ZFAND4: variants seen among roughly 807,000 people sequenced by gnomAD.
ZFAND4 encodes zinc finger AN1-type containing 4.
In ZFAND4, 43 loss-of-function variants were observed where a neutral mutation model predicts 64.4. The observed-to-expected ratio is 0.67, with a 90% CI of 0.52 to 0.86. The LOEUF is 0.86. ZFAND4 is among the 40% of genes least tolerant of loss of function. The pLI is 0.00. For missense variants in ZFAND4, 929 were observed against 859.8 expected (o/e 1.08, Z -1.01); for synonymous variants, 296 against 305.7 (o/e 0.97, Z 0.33).
intron 6 of ZFAND4, among the ~76,000 whole-genome samples, chr10:45,638,470 ACT>A (rs1318429334): frequency 1.3e-5 from 2 of 151,696 alleles, no homozygotes; most frequent in African/African-American, 2.4e-5. Flanking sequence ...ACAGAGCAAG[ACT>A]CTGTCTCAAA....
rs754540418 is a variant in ZFAND4, at chr10:45,618,155, C to T, written c.2033G>A (p.Ser678Asn). The T allele has an allele frequency of 6.2e-7, 1 of 1,612,272 alleles. No individual in the cohort carries two copies. The highest frequency in any genetic ancestry group is 1.1e-5 in the South Asian group (1 of 90,576). The change falls in exon 9 of 10, where the codon AGT becomes AAT. Residue 678 changes from serine to asparagine, a missense_variant. Physicochemically the swap from Ser to Asn is conservative, Grantham distance 46. Transcript: ENST00000344646. Reference sequence around the variant, plus strand: ...GCCAACCTGCCTGCATTCGTAGCTACTAGCCAGTCCTGTTTTCTTTCCACA... The same window carrying T: ...GCCAACCTGCCTGCATTCGTAGCTATTAGCCAGTCCTGTTTTCTTTCCACA... ...FLCGKKTGLA[S>N]SYECRCGNNF...
rs965516894 is a variant in ZFAND4, at chr10:45,616,521, C to T, written c.2099G>A (p.Cys700Tyr). The T allele has an allele frequency of 2.5e-6, 4 of 1,614,124 alleles. No individual in the cohort carries two copies. Among genetic ancestry groups the T allele is most frequent in the Non-Finnish European group, 2.5e-6 (3 of 1,180,016 alleles). The change falls in exon 10 of 10, where the codon TGT becomes TAT. Residue 700 changes from cysteine (C) to tyrosine (Y), a missense_variant. Cys to Tyr is a radical substitution (Grantham distance 194). Coordinates refer to ENST00000344646, the MANE Select transcript of ZFAND4 (RefSeq NM_174890.4). ...ASHRYAETHG[C>Y]TYDYKSAGRR... is the part of the protein sequence containing the mutation. ...CCCTGCACTCTTGTAATCATAGGTA[C>T]AGCCATGAGTTTCTGCATAACGATG...
chr10:45,660,236 A>G (rs1441620733), intron 2 of ZFAND4, among the ~76,000 whole-genome samples: 2 of 151,898 alleles, frequency 1.3e-5, no homozygotes, highest in Non-Finnish European at 2.9e-5. Context: ...TTGTAGTCCC[A>G]GCTACTTGAA....
At position 45,618,223 on chromosome 10, in the gene ZFAND4, G is replaced by C; in HGVS notation, c.1965C>G (p.Ala655=). Residue 655 remains alanine, a synonymous_variant, in exon 9 of 10, where the codon GCC becomes GCG. Transcript: ENST00000344646. The stretch of plus-strand genomic sequence containing the variant: ...TTGTTTTCTTCTTTGTCTGAAGAGG[G>C]GCTTTCACAGGTGGGAGGTGATGAG... ...CTTHHLPPVK[A]PLQTKKKTTN... 1.2e-6 allele frequency: 2 copies of C among 1,613,642 alleles called. No homozygotes were observed. Among genetic ancestry groups the C allele is most frequent in the Non-Finnish European group, 1.7e-6 (2 of 1,179,822 alleles).
intron 7 of ZFAND4, among the ~76,000 whole-genome samples, 156 bp from the exon 8 acceptor site, chr10:45,624,793 C>T (rs112110885): frequency 0.06 from 9,103 of 152,210 alleles, 396 homozygotes; most frequent in African/African-American, 0.12. Flanking sequence ...TAACTCAGAA[C>T]CTGATTCCAC....
chr10:45,663,966 A>G (rs1037537046), intron 1 of ZFAND4, 124 bp from the exon 2 acceptor site: 23 of 373,416 alleles, frequency 6.2e-5, no homozygotes, highest in Admixed American at 1.9e-4. Flanking sequence ...TAGTGCTTTT[A>G]ATTATGTCTA....
At chr10:45,645,290 T>C (rs963904639) in intron 5 of ZFAND4, among the ~76,000 whole-genome samples, 2 of 152,198 alleles carry the variant, frequency 1.3e-5, no homozygotes, top group Non-Finnish European at 2.9e-5. Context: ...CTTTAAAGTC[T>C]ACAGTTATTC....
At chr10:45,645,405 T>C (rs545778018) in intron 5 of ZFAND4, among the ~76,000 whole-genome samples, 2 of 152,336 alleles carry the variant, frequency 1.3e-5, no homozygotes, top group East Asian at 1.9e-4. Context: ...CATGGACTTA[T>C]CCATCATCAG....
chr10:45,618,854 T>C (rs950464784), intron 8 of ZFAND4, among the ~76,000 whole-genome samples: 4 of 152,304 alleles, frequency 2.6e-5, no homozygotes, highest in African/African-American at 7.2e-5. Context: ...AAAAGCACTC[T>C]GAAAGTTTTA....
chr10:45,651,719 C>G (rs1462722675), intron 4 of ZFAND4: 2 of 577,200 alleles, frequency 3.5e-6, no homozygotes, highest in South Asian at 3.1e-5. Context: ...GTTCCCTATA[C>G]TGGCAAAAGG....
intron 7 of ZFAND4, among the ~76,000 whole-genome samples, chr10:45,625,216 T>C (rs1346222449): frequency 1.3e-5 from 2 of 150,454 alleles, no homozygotes; most frequent in Non-Finnish European, 3.0e-5. Context: ...CTCACACCTG[T>C]AATCCCAGCA....
In ZFAND4 at chr10:45,626,745, C is replaced by G. The variant is rs777112557; in HGVS notation, c.1078G>C (p.Gly360Arg). 1 of 1,614,132 alleles carries G rather than the reference C, an allele frequency of 6.2e-7. No individual in the cohort carries two copies. Reference sequence around the variant, plus strand: ...TTTGTTTGCCTAGGCAGGGATGATCCAAGATGGAGAACAGAGTCAGCAAGC... The same window carrying G: ...TTTGTTTGCCTAGGCAGGGATGATCGAAGATGGAGAACAGAGTCAGCAAGC... ...QELADSVLHL[G>R]SSLPRQTKHF... is the part of the protein sequence containing the mutation. The change falls in exon 7 of 10, where the codon GGA (glycine) becomes CGA (arginine). Residue 360 changes from glycine to arginine, a missense_variant. By Grantham distance (125) the Gly-to-Arg change is moderately radical (BLOSUM62 -2). Transcript: ENST00000344646.
At position 45,663,857 on chromosome 10, in the gene ZFAND4, A is replaced by AT. The variant is rs1331609038; in HGVS notation, c.-117-16dup. 7.6e-5 allele frequency: 54 copies of AT among 711,952 alleles called. No individual in the cohort carries two copies. The Admixed American group carries it at 1.4e-3, about 18-fold the overall frequency. The allele number at this position is 711,952 out of a possible 1,614,324, so 44.1% of individuals were successfully genotyped here. ...GAGTTTTGTACCTAAAAAAACAAGA[A>AT]TTTTTTTAACAAGCCTATCTGAAAG... On this transcript the variant is annotated splice_polypyrimidine_tract_variant and intron_variant, in intron 1 of 9. Transcript: ENST00000344646.
intron 6 of ZFAND4, among the ~76,000 whole-genome samples, chr10:45,636,172 T>C (rs930129869): frequency 2.0e-5 from 3 of 152,202 alleles, no homozygotes; most frequent in South Asian, 2.1e-4. Context: ...CAGAATATTT[T>C]TATTCAGTGA....
At chr10:45,643,578 G>A (rs2047174946) in intron 5 of ZFAND4, among the ~76,000 whole-genome samples, 1 of 148,886 alleles carries the variant, frequency 6.7e-6, no homozygotes, top group African/African-American at 2.5e-5. Context: ...GCTGAGGCAA[G>A]AGAATCGCTT....
Position 45,640,056 on chromosome 10 carries a change from T to C in ZFAND4, c.570-93A>G, listed in dbSNP as rs1337519549. 5.0e-6 allele frequency: 7 copies of C among 1,403,714 alleles called. No homozygotes were observed. The Admixed American group carries it at 1.2e-4, about 25-fold the overall frequency. 87.0% of individuals were successfully genotyped at this position (1,403,714 alleles called of 1,614,324 possible). Reference sequence around the variant, plus strand: ...TGAAACAGCAATCTATAGAAGTTACTAATGATAAAACACTACATCCATTTT... The same window carrying C: ...TGAAACAGCAATCTATAGAAGTTACCAATGATAAAACACTACATCCATTTT... On this transcript the variant is annotated intron_variant, in intron 5 of 9. Transcript: ENST00000344646.
At chr10:45,643,747 T>C (rs1215143316) in intron 5 of ZFAND4, among the ~76,000 whole-genome samples, 1 of 151,146 alleles carries the variant, frequency 6.6e-6, no homozygotes, top group East Asian at 1.9e-4. Flanking sequence ...AAAAGACTGA[T>C]GCTGCATTTT....
At chr10:45,657,816 G>GA (rs1056753947) in intron 2 of ZFAND4, among the ~76,000 whole-genome samples, 3 of 151,936 alleles carry the variant, frequency 2.0e-5, no homozygotes, top group African/African-American at 4.8e-5. Flanking sequence ...ATGCATAAGT[G>GA]AAAAAAACCA....
At chr10:45,655,931 C>T (rs563728496) in intron 2 of ZFAND4, among the ~76,000 whole-genome samples, 3 of 152,300 alleles carry the variant, frequency 2.0e-5, no homozygotes, top group Non-Finnish European at 2.9e-5. Flanking sequence ...TTCTACCAGA[C>T]ATTCAATGAA....
Sources: allele counts gnomAD v4.1 joint callset (sites outside exome capture counted in the v4.1 genomes callset), GRCh38; gene constraint gnomAD v4.1.1; transcripts MANE v1.5; gene names NCBI Gene and HGNC (gene_info 2026-07-23, HGNC 2026-07-21).